Variants in MAP2 observed in about 807,000 individuals in gnomAD.
MAP2 encodes the protein microtubule-associated protein 2.
A neutral mutation model predicts 137.6 loss-of-function variants in MAP2; 14 were observed. That is an observed-to-expected ratio of 0.10 (90% CI 0.07 to 0.16). The LOEUF is 0.16. Among genes scored for constraint, MAP2 ranks in the 10% least tolerant of loss-of-function variants. The pLI is 1.00. For synonymous variants in MAP2, 786 were observed against 782.3 expected (o/e 1.00, Z -0.08); for missense variants, 2,088 against 2,191.5 (o/e 0.95, Z 0.94).
chr2:209,726,128 G>A (rs774790827), intron 14 of MAP2, among the ~76,000 whole-genome samples: 3 of 151,970 alleles, frequency 2.0e-5, no homozygotes, highest in Non-Finnish European at 4.4e-5. Context: ...ATAACATTGG[G>A]GGTAGCATTT....
intron 1 of MAP2, among the ~76,000 whole-genome samples, chr2:209,461,976 C>T (rs1702927444): frequency 6.6e-6 from 1 of 152,096 alleles, no homozygotes; most frequent in Admixed American, 6.5e-5. Context: ...GGCCTTTACT[C>T]TCTGGTTTAG....
intron 1 of MAP2, among the ~76,000 whole-genome samples, chr2:209,490,550 C>G (rs570919724): frequency 1.7e-5 from 2 of 119,890 alleles, no homozygotes; most frequent in East Asian, 5.8e-4. Flanking sequence ...TGTGCAAAGA[C>G]ACACATGGGC....
intron 7 of MAP2, among the ~76,000 whole-genome samples, chr2:209,684,261 T>G (rs908941824): frequency 6.6e-6 from 1 of 152,158 alleles, no homozygotes; most frequent in African/African-American, 2.4e-5. Context: ...GCTCCAGAAT[T>G]CTAGGGTGGT....
chr2:209,579,282 C>CGTGCGTGCGTGT (rs1553602730), intron 2 of MAP2: 1 of 149,750 alleles, frequency 6.7e-6, no homozygotes, highest in African/African-American at 2.5e-5. Context: ...TGCGTGCGTG[C>CGTGCGTGCGTGT]GTGTGTGTGT....
chr2:209,612,243 T>C (rs373944545), intron 3 of MAP2, among the ~76,000 whole-genome samples: 21 of 152,334 alleles, frequency 1.4e-4, no homozygotes, highest in African/African-American at 5.0e-4. Context: ...TAATGTGGTC[T>C]ATTCATAAAA....
intron 1 of MAP2, among the ~76,000 whole-genome samples, chr2:209,449,867 G>A (rs1421263382): frequency 6.6e-6 from 1 of 152,078 alleles, no homozygotes; most frequent in Non-Finnish European, 1.5e-5. Flanking sequence ...TGTATTATCA[G>A]TATTATCTTC....
At chr2:209,492,793 A>G (rs2059284399) in intron 1 of MAP2, among the ~76,000 whole-genome samples, 1 of 152,222 alleles carries the variant, frequency 6.6e-6, no homozygotes, top group South Asian at 2.1e-4. Context: ...AGGAGAGGAC[A>G]CACACAAATG....
chr2:209,701,454 G>A (rs2061735962), intron 11 of MAP2, among the ~76,000 whole-genome samples: 1 of 151,664 alleles, frequency 6.6e-6, no homozygotes, highest in Non-Finnish European at 1.5e-5. Flanking sequence ...AAATTAAAAG[G>A]CTACTAATGA....
chr2:209,672,413 G>A (rs1290214514), intron 5 of MAP2, among the ~76,000 whole-genome samples: 1 of 151,780 alleles, frequency 6.6e-6, no homozygotes, highest in African/African-American at 2.4e-5. Flanking sequence ...CATCAAGAGT[G>A]ATTAAAACAG....
At chr2:209,674,375 A>G (rs2050278354) in intron 5 of MAP2, among the ~76,000 whole-genome samples, 1 of 151,824 alleles carries the variant, frequency 6.6e-6, no homozygotes, top group South Asian at 2.1e-4. Flanking sequence ...ATTATTTGCC[A>G]GGCCTGTTAT....
At chr2:209,687,487 A>G (rs2057396898) in intron 7 of MAP2, among the ~76,000 whole-genome samples, 1 of 152,058 alleles carries the variant, frequency 6.6e-6, no homozygotes, top group South Asian at 2.1e-4. Flanking sequence ...TGGTTCACTT[A>G]GATCAATGGC....
At chr2:209,491,494 T>A (rs1485613078) in intron 1 of MAP2, among the ~76,000 whole-genome samples, 1 of 152,024 alleles carries the variant, frequency 6.6e-6, no homozygotes, top group Non-Finnish European at 1.5e-5. Flanking sequence ...TTCAAAAAAA[T>A]CAGTGAATCC....
chr2:209,694,070 G>C lies in MAP2; in HGVS notation c.1900G>C (p.Glu634Gln). 1 of 1,613,250 alleles carries C rather than the reference G, an allele frequency of 6.2e-7. No individual in the cohort carries two copies. Among genetic ancestry groups the C allele is most frequent in the South Asian group, 1.1e-5 (1 of 90,894 alleles). The change falls in exon 8 of 16, where the codon GAA becomes CAA. Residue 634 changes from glutamate (E) to glutamine (Q), a missense_variant. Coordinates refer to ENST00000682079, the MANE Select transcript of MAP2 (RefSeq NM_001375505.1). ...ATCCCAGCCCAGTCCTCCAGCACAA[G>C]AAGCAGGGTACAGCACTCTCGCACA... ...KESQPSPPAQ[E>Q]AGYSTLAQSY... is the part of the protein sequence containing the mutation.
intron 2 of MAP2, among the ~76,000 whole-genome samples, chr2:209,557,195 G>T (rs16843085): frequency 0.02 from 2,999 of 152,224 alleles, 95 homozygotes; most frequent in African/African-American, 0.068. Context: ...TCTGAATCTT[G>T]GACTTACGGT....
chr2:209,628,236 G>A (rs559507238), intron 4 of MAP2, among the ~76,000 whole-genome samples: 3 of 152,066 alleles, frequency 2.0e-5, no homozygotes, highest in African/African-American at 4.8e-5. Context: ...ATGGTGGCAC[G>A]TGCCTGTAAT....
intron 1 of MAP2, among the ~76,000 whole-genome samples, chr2:209,444,849 A>G (rs565080949): frequency 1.3e-5 from 2 of 151,506 alleles, no homozygotes; most frequent in Non-Finnish European, 3.0e-5. Context: ...TATATTTTTA[A>G]AATTTTAAAG....
At chr2:209,647,871 ACT>A (rs2094512068) in intron 4 of MAP2, among the ~76,000 whole-genome samples, 1 of 152,136 alleles carries the variant, frequency 6.6e-6, no homozygotes, top group Non-Finnish European at 1.5e-5. Context: ...GTCCATAGAA[ACT>A]CTCAAATATC....
intron 1 of MAP2, among the ~76,000 whole-genome samples, chr2:209,484,465 G>A (rs1475590260): frequency 6.6e-6 from 1 of 152,190 alleles, no homozygotes; most frequent in Non-Finnish European, 1.5e-5. Flanking sequence ...GCCGAGGTGG[G>A]TCAATCACCA....
chr2:209,690,767 G>A lies in MAP2; in HGVS notation c.455-1858G>A, dbSNP rs2058617749. 4 of 1,289,686 alleles carry A rather than the reference G, an allele frequency of 3.1e-6. No individual in the cohort carries two copies. In the African/African-American group the frequency reaches 6.1e-5, roughly 20 times the overall value. 79.9% of individuals were successfully genotyped at this position (1,289,686 alleles called of 1,614,324 possible). ...AATAGTTCCCGAAGAGAGTGCCCCA[G>A]CAGGGGCCCCACATGAGAAAAGTGT... is the stretch of plus-strand genomic sequence containing the variant. On this transcript the variant is annotated intron_variant, in intron 7 of 15. Transcript: ENST00000682079.
Sources: gnomAD v4.1 joint callset for allele counts (sites outside exome capture counted in the v4.1 genomes callset) on GRCh38, gnomAD v4.1.1 for gene constraint, MANE v1.5 for transcripts, NCBI Gene and HGNC (gene_info 2026-07-23, HGNC 2026-07-21) for gene names.